ZC3HC1: variants seen among roughly 807,000 people sequenced by gnomAD.
The protein encoded by ZC3HC1 is zinc finger C3HC-type protein 1.
ZC3HC1 carries 38 observed loss-of-function variants against 61.9 expected under a neutral mutation model. The observed-to-expected ratio is 0.61, with a 90% confidence interval of 0.47 to 0.81. The LOEUF is 0.81. Among genes scored for constraint, ZC3HC1 ranks in the 30% least tolerant of loss-of-function variants. The probability of loss-of-function intolerance (pLI) is 0.00; values close to 1 mark genes in which losing one functional copy is unlikely to be tolerated. For missense variants in ZC3HC1, 554 were observed against 622.7 expected (o/e 0.89, Z 1.17); for synonymous variants, 213 against 229.9 (o/e 0.93, Z 0.67).
At chr7:130,049,846 G>A (rs1019766991) in intron 1 of ZC3HC1, among the ~76,000 whole-genome samples, 1 of 151,772 alleles carries the variant, frequency 6.6e-6, no homozygotes, top group Non-Finnish European at 1.5e-5. Context: ...CACAGCGCCT[G>A]GCAGAAATTC....
chr7:130,040,497 CAAA>C (rs35982469), intron 3 of ZC3HC1, among the ~76,000 whole-genome samples: 4 of 44,168 alleles, frequency 9.1e-5, no homozygotes, highest in Admixed American at 2.2e-4. Context: ...GACTCCGTCT[CAAA>C]AAAAAAAAAA....
At chr7:130,034,175 CTTTT>C (rs769356635) in intron 4 of ZC3HC1, among the ~76,000 whole-genome samples, 1 of 139,868 alleles carries the variant, frequency 7.1e-6, no homozygotes, top group Non-Finnish European at 1.6e-5. Flanking sequence ...CTTTCATTTC[CTTTT>C]TTTTTTTTTT....
Position 130,028,965 on chromosome 7 carries a change from A to T in ZC3HC1, c.558T>A (p.Phe186Leu). The T allele has an allele frequency of 6.2e-7, 1 of 1,613,884 alleles. No homozygotes were observed. Among genetic ancestry groups the T allele is most frequent in the Non-Finnish European group, 8.5e-7 (1 of 1,179,816 alleles). Reference protein sequence around the residue: ...AILVSEFLDRFQSLCHLDLQL... With the variant: ...AILVSEFLDRLQSLCHLDLQL... Reference sequence around the variant, plus strand: ...GGAGGTCCAAGTGACAAAGGCTTTGAAAACGATCTAGGAATTCACTAACAA... The same window carrying T: ...GGAGGTCCAAGTGACAAAGGCTTTGTAAACGATCTAGGAATTCACTAACAA... Residue 186 changes from phenylalanine (F) to leucine (L), a missense_variant, in exon 5 of 10, where the codon TTT (phenylalanine) becomes TTA (leucine). By Grantham distance (22) the Phe-to-Leu change is conservative (BLOSUM62 0). Coordinates refer to ENST00000358303, the MANE Select transcript of ZC3HC1 (RefSeq NM_016478.5).
At chr7:130,049,266 A>C in intron 1 of ZC3HC1, 122 bp from the exon 2 acceptor site, 1 of 597,902 alleles carries the variant, frequency 1.7e-6, no homozygotes, top group Non-Finnish European at 2.6e-6. Context: ...GCTTCCTAAA[A>C]ATCATTTTAC....
chr7:130,025,788 A>G lies in ZC3HC1; in HGVS notation c.776+370T>C, dbSNP rs1793872266. Among the ~76,000 whole-genome samples the G allele has an allele frequency of 3.0e-5, 4 of 135,086 alleles. 1 individual carries two copies. The highest frequency in any genetic ancestry group is 1.8e-4 in the Admixed American group (2 of 11,202). The allele number at this position is 135,086 out of a possible 152,430, so 88.6% of individuals were successfully genotyped here. On this transcript the variant is annotated intron_variant, in intron 6 of 9. Transcript: ENST00000358303. ...AGGCTGAGACAGGAGAATGGCGTGA[A>G]CCCGGGAGGCGGAGCTTGCAGTGAG...
At chr7:130,032,742 A>G (rs552598175) in intron 4 of ZC3HC1, among the ~76,000 whole-genome samples, 959 of 38,156 alleles carry the variant, frequency 0.025, 30 homozygotes, top group Middle Eastern at 0.038. Context: ...AGGGAGGGAC[A>G]GTAAGAGGGG....
chr7:130,035,241 T>G (rs1013365195), intron 4 of ZC3HC1, among the ~76,000 whole-genome samples: 1 of 151,778 alleles, frequency 6.6e-6, no homozygotes, highest in African/African-American at 2.4e-5. Flanking sequence ...AATACAAAAC[T>G]TAGCCAGGTG....
intron 5 of ZC3HC1, 36 bp downstream of exon 5, chr7:130,028,866 C>G: frequency 6.2e-7 from 1 of 1,601,644 alleles, no homozygotes; most frequent in Non-Finnish European, 8.5e-7. Context: ...CTGGCAACAA[C>G]TGGAGGCCAT....
chr7:130,042,414 G>C (rs1295003814), intron 2 of ZC3HC1, among the ~76,000 whole-genome samples: 1 of 152,048 alleles, frequency 6.6e-6, no homozygotes, highest in Non-Finnish European at 1.5e-5. Flanking sequence ...GAAAGTACTG[G>C]GATATGCCTA....
intron 1 of ZC3HC1, chr7:130,050,630 A>C: frequency 1.4e-6 from 1 of 734,070 alleles, no homozygotes; most frequent in Non-Finnish European, 2.1e-6. Context: ...AGTACCTGCT[A>C]ATTTGTCACC....
chr7:130,025,893 A>AAAAT (rs1793884311), intron 6 of ZC3HC1, among the ~76,000 whole-genome samples: 1 of 150,254 alleles, frequency 6.7e-6, no homozygotes, highest in Non-Finnish European at 1.5e-5. Context: ...AAAAAAAAAA[A>AAAAT]AGAGAACACA....
intron 1 of ZC3HC1, 88 bp downstream of exon 1, chr7:130,051,133 C>CG: frequency 6.7e-7 from 1 of 1,490,248 alleles, no homozygotes; most frequent in East Asian, 2.5e-5. Flanking sequence ...AGTCGCCGAC[C>CG]GAGGGGAACC....
At chr7:130,048,287 T>C (rs891897665) in intron 2 of ZC3HC1, among the ~76,000 whole-genome samples, 1 of 152,000 alleles carries the variant, frequency 6.6e-6, no homozygotes, top group Admixed American at 6.6e-5. Context: ...GTAGCTGGGA[T>C]TACAAGTGAG....
Position 130,018,637 on chromosome 7 carries a change from T to C in ZC3HC1, c.*27A>G. The C allele has an allele frequency of 1.3e-6, 2 of 1,577,346 alleles. No individual in the cohort carries two copies. The highest frequency in any genetic ancestry group is 1.7e-6 in the Non-Finnish European group (2 of 1,152,464). On this transcript the variant is annotated 3_prime_UTR_variant, in exon 10 of 10. Transcript: ENST00000358303. ...TTCAAAAAGTCACTCTCATTCCAGC[T>C]ATCTCCAGGAAGGCGCTGGAGTATC...
intron 4 of ZC3HC1, among the ~76,000 whole-genome samples, chr7:130,036,087 T>C (rs1794419383): frequency 1.3e-5 from 2 of 152,070 alleles, no homozygotes; most frequent in South Asian, 4.1e-4. Flanking sequence ...ATTCTAGCTT[T>C]GATTTTTCTG....
chr7:130,028,277 C>T (rs1015076353), intron 5 of ZC3HC1, among the ~76,000 whole-genome samples: 1 of 149,500 alleles, frequency 6.7e-6, no homozygotes, highest in Non-Finnish European at 1.5e-5. Context: ...TGTGCCGGCT[C>T]ATGCCTGTAA....
At chr7:130,050,367 C>T (rs1795029990) in intron 1 of ZC3HC1, 1 of 1,497,304 alleles carries the variant, frequency 6.7e-7, no homozygotes, top group South Asian at 1.2e-5. Context: ...CGTGAGCCAC[C>T]GCGCCCGGCG....
intron 9 of ZC3HC1, among the ~76,000 whole-genome samples, chr7:130,019,970 C>G (rs1447210415): frequency 6.6e-6 from 1 of 151,812 alleles, no homozygotes; most frequent in African/African-American, 2.4e-5. Flanking sequence ...GCATATGCCA[C>G]CACGCCCAGC....
rs754542017 is a variant in ZC3HC1, at chr7:130,019,809, GTTTTTTTTTTTTT to G, written c.1441-1090_1441-1078del. Among the ~76,000 whole-genome samples the G allele has an allele frequency of 3.6e-3, 344 of 95,820 alleles. 3 individuals carry two copies. The highest frequency in any genetic ancestry group is 4.3e-3 in the Non-Finnish European group (206 of 48,366). 62.9% of individuals were successfully genotyped at this position (95,820 alleles called of 152,430 possible). The stretch of plus-strand genomic sequence containing the variant: ...AGTTTCTCATATGACGCTTTCACAG[GTTTTTTTTTTTTT>G]TTTTTTTTTTTTTGAGACAGGTCTC... On this transcript the variant is annotated intron_variant, in intron 9 of 9. Transcript: ENST00000358303.
Sources: gnomAD v4.1 joint callset for allele counts (sites outside exome capture counted in the v4.1 genomes callset) on GRCh38, gnomAD v4.1.1 for gene constraint, MANE v1.5 for transcripts, NCBI Gene and HGNC (gene_info 2026-07-23, HGNC 2026-07-21) for gene names.